Variants in SLC35F3 observed in about 807,000 individuals in gnomAD.
SLC35F3 encodes the protein solute carrier family 35 member F3, also known as putative thiamine transporter SLC35F3.
In SLC35F3, 25 loss-of-function variants were observed where a neutral mutation model predicts 49.9. That is an observed-to-expected ratio of 0.50 (90% CI 0.37 to 0.70). The LOEUF (loss-of-function observed/expected upper bound fraction) is 0.70. Among genes scored for constraint, SLC35F3 ranks in the 30% least tolerant of loss-of-function variants. SLC35F3 has a pLI of 0.00. For synonymous variants in SLC35F3, 275 were observed against 265.4 expected (o/e 1.04, Z -0.35); for missense variants, 525 against 639.8 (o/e 0.82, Z 1.94).
chr1:234,013,480 A>G (rs943346488), intron 2 of SLC35F3, among the ~76,000 whole-genome samples: 4 of 152,042 alleles, frequency 2.6e-5, no homozygotes, highest in African/African-American at 9.7e-5. Context: ...GAAGGAAATA[A>G]CAAAAATCAA....
At chr1:234,014,726 C>T (rs774247994) in intron 2 of SLC35F3, among the ~76,000 whole-genome samples, 50 of 151,850 alleles carry the variant, frequency 3.3e-4, no homozygotes, top group Non-Finnish European at 2.4e-4. Flanking sequence ...ATTCCATTTA[C>T]GCTAACTAAA....
chr1:234,121,133 C>CTTTTTTTT (rs66702949), intron 2 of SLC35F3, among the ~76,000 whole-genome samples: 1 of 102,786 alleles, frequency 9.7e-6, no homozygotes, highest in East Asian at 3.0e-4. Context: ...TGAAAAATTA[C>CTTTTTTTT]TTTTTTTTTT....
At chr1:234,207,632 G>A (rs1409472480) in intron 2 of SLC35F3, among the ~76,000 whole-genome samples, 1 of 151,614 alleles carries the variant, frequency 6.6e-6, no homozygotes, top group Non-Finnish European at 1.5e-5. Flanking sequence ...CTTTCTTTTA[G>A]CCATGACATC....
chr1:234,224,648 C>T (rs1667259098), intron 2 of SLC35F3, among the ~76,000 whole-genome samples: 1 of 152,184 alleles, frequency 6.6e-6, no homozygotes, highest in Admixed American at 6.5e-5. Flanking sequence ...AAGGGGAGAA[C>T]GAGAGGAATG....
At chr1:234,301,831 C>G (rs1668697240) in intron 3 of SLC35F3, among the ~76,000 whole-genome samples, 1 of 152,192 alleles carries the variant, frequency 6.6e-6, no homozygotes, top group South Asian at 2.1e-4. Context: ...AAGTGCAGTA[C>G]ATATACACCA....
intron 2 of SLC35F3, among the ~76,000 whole-genome samples, chr1:234,035,474 T>C (rs1664128842): frequency 6.6e-6 from 1 of 152,234 alleles, no homozygotes; most frequent in South Asian, 2.1e-4. Context: ...TTTTCATCTA[T>C]TGGAACACTC....
intron 2 of SLC35F3, among the ~76,000 whole-genome samples, chr1:233,990,352 A>G (rs967790319): frequency 5.3e-5 from 8 of 152,214 alleles, no homozygotes; most frequent in Admixed American, 2.0e-4. Flanking sequence ...GAGTAGACTG[A>G]CCTTGATTCT....
At chr1:234,120,096 T>C (rs1185583654) in intron 2 of SLC35F3, among the ~76,000 whole-genome samples, 1 of 152,138 alleles carries the variant, frequency 6.6e-6, no homozygotes, top group African/African-American at 2.4e-5. Context: ...AACACTGGAA[T>C]TCCATTTTCT....
intron 2 of SLC35F3, among the ~76,000 whole-genome samples, chr1:234,057,180 A>G (rs1664469668): frequency 1.3e-5 from 2 of 152,142 alleles, no homozygotes; most frequent in Non-Finnish European, 2.9e-5. Flanking sequence ...GAGTCTGTGT[A>G]TTGATTTCTA....
intron 2 of SLC35F3, among the ~76,000 whole-genome samples, chr1:234,020,139 A>G (rs962899076): frequency 1.8e-4 from 27 of 152,284 alleles, no homozygotes; most frequent in Middle Eastern, 3.4e-3. Flanking sequence ...CCACACAAAA[A>G]AAAAAATTGA....
chr1:234,237,067 A>C (rs565266180), intron 3 of SLC35F3, among the ~76,000 whole-genome samples: 1 of 151,330 alleles, frequency 6.6e-6, no homozygotes, highest in African/African-American at 2.4e-5. Flanking sequence ...GCTGAAGGCC[A>C]GATGGGAAGG....
chr1:234,066,133 G>A (rs1664613431), intron 2 of SLC35F3, among the ~76,000 whole-genome samples: 1 of 152,302 alleles, frequency 6.6e-6, no homozygotes, highest in South Asian at 2.1e-4. Context: ...GGAATTCCAA[G>A]GAATTCCAGT....
At chr1:234,307,295 GC>G (rs1336806977) in intron 3 of SLC35F3, among the ~76,000 whole-genome samples, 6 of 152,112 alleles carry the variant, frequency 3.9e-5, no homozygotes, top group Admixed American at 6.6e-5. Flanking sequence ...GTTTTACCTG[GC>G]CCCGGTTTGT....
intron 3 of SLC35F3, among the ~76,000 whole-genome samples, chr1:234,267,863 C>G (rs993846540): frequency 7.0e-5 from 10 of 142,298 alleles, no homozygotes; most frequent in African/African-American, 2.8e-4. Flanking sequence ...GACAGGGCGG[C>G]GGGGCAGAGG....
intron 2 of SLC35F3, among the ~76,000 whole-genome samples, chr1:234,034,689 T>G (rs1664115323): frequency 6.6e-6 from 1 of 151,976 alleles, no homozygotes; most frequent in South Asian, 2.1e-4. Flanking sequence ...CCCGGCTAAT[T>G]TTTTTGTATT....
intron 3 of SLC35F3, among the ~76,000 whole-genome samples, chr1:234,255,958 G>A (rs113194834): frequency 3.9e-5 from 6 of 152,234 alleles, no homozygotes; most frequent in African/African-American, 1.4e-4. Context: ...ACAGGCTTTA[G>A]TTAATAATAA....
intron 2 of SLC35F3, among the ~76,000 whole-genome samples, chr1:234,206,083 T>G (rs1050139627): frequency 2.6e-5 from 4 of 151,964 alleles, no homozygotes; most frequent in Non-Finnish European, 5.9e-5. Context: ...AGCTAGGAAA[T>G]GCGGAGAGGC....
At chr1:233,962,659 T>G (rs1662823214) in intron 2 of SLC35F3, among the ~76,000 whole-genome samples, 1 of 152,242 alleles carries the variant, frequency 6.6e-6, no homozygotes, top group African/African-American at 2.4e-5. Context: ...AGGAGTTGCT[T>G]CATTCAACGT....
At chr1:234,296,336 G>T (rs2102988195) in intron 3 of SLC35F3, among the ~76,000 whole-genome samples, 1 of 152,122 alleles carries the variant, frequency 6.6e-6, no homozygotes, top group Admixed American at 6.5e-5. Flanking sequence ...AACCTAGTGT[G>T]TAACCTCACT....
Sources: allele counts gnomAD v4.1 joint callset (sites outside exome capture counted in the v4.1 genomes callset), GRCh38; gene constraint gnomAD v4.1.1; transcripts MANE v1.5; gene names NCBI Gene and HGNC (gene_info 2026-07-23, HGNC 2026-07-21).